Variants in UBE2E3 observed in about 807,000 individuals in gnomAD.
The protein encoded by UBE2E3 is ubiquitin conjugating enzyme E2 E3, also known as ubiquitin-conjugating enzyme E2 E3.
Under a neutral mutation model 23.6 loss-of-function variants are expected in UBE2E3, and 5 were observed. The ratio of observed to expected loss-of-function variants is 0.21; its 90% CI spans 0.11 to 0.44. The LOEUF (loss-of-function observed/expected upper bound fraction) is 0.44. UBE2E3 is among the 20% of genes least tolerant of loss of function. UBE2E3 has a pLI of 0.99. For synonymous variants in UBE2E3, 78 were observed against 87.5 expected (o/e 0.89, Z 0.60); for missense variants, 81 against 249.8 (o/e 0.32, Z 4.55).
In UBE2E3 at chr2:181,057,685, T is replaced by G; in HGVS notation, c.246-8T>G. 6.2e-7 allele frequency: 1 copy of G among 1,602,340 alleles called. No individual in the cohort carries two copies. Among genetic ancestry groups the G allele is most frequent in the Non-Finnish European group, 8.5e-7 (1 of 1,173,248 alleles). On this transcript the variant is annotated splice_polypyrimidine_tract_variant and splice_region_variant and intron_variant, in intron 3 of 5. Coordinates refer to ENST00000410062, the MANE Select transcript of UBE2E3 (RefSeq NM_006357.4). ...TGTACATACTGATTTTTAATTTCTT[T>G]TAAATAGTGCTGGGCCTAAAGGAGA...
At chr2:181,038,066 G>A (rs1430264586) in intron 3 of UBE2E3, among the ~76,000 whole-genome samples, 1 of 152,098 alleles carries the variant, frequency 6.6e-6, no homozygotes, top group Non-Finnish European at 1.5e-5. Context: ...TGTTTATAAA[G>A]CCTGCAGTAG....
At chr2:180,987,316 T>C in intron 3 of UBE2E3, 1 of 1,549,004 alleles carries the variant, frequency 6.5e-7, no homozygotes, top group Non-Finnish European at 8.7e-7. Flanking sequence ...ATTAAGACAT[T>C]TACTTTCCAT....
chr2:181,050,633 GGATTTATT>G (rs1333890593), intron 3 of UBE2E3, among the ~76,000 whole-genome samples: 1 of 151,708 alleles, frequency 6.6e-6, no homozygotes, highest in Admixed American at 6.6e-5. Context: ...ATATTTGTAT[GGATTTATT>G]GCTTTCAAAT....
At position 180,982,117 on chromosome 2, in the gene UBE2E3, A is replaced by T. The variant is rs146744789; in HGVS notation, c.75A>T (p.Arg25=). 24,594 of 1,613,340 alleles carry T rather than the reference A, an allele frequency of 0.015. 295 individuals carry two copies. The highest frequency in any genetic ancestry group is 0.043 in the Middle Eastern group (260 of 6,050). Residue 25 remains arginine, a synonymous_variant, in exon 2 of 6, where the codon CGA becomes CGT. Coordinates refer to ENST00000410062, the MANE Select transcript of UBE2E3 (RefSeq NM_006357.4). ...GTGGCAGTTCAGATGCGGACCAGCG[A>T]GACCCAGCCGCTCCAGAGCCTGAAG... ...TSSGSSDADQ[R]DPAAPEPEEQ... is the part of the protein sequence containing the mutation.
At chr2:181,046,293 A>C (rs1686671853) in intron 3 of UBE2E3, among the ~76,000 whole-genome samples, 1 of 152,194 alleles carries the variant, frequency 6.6e-6, no homozygotes. Context: ...GTAGGCATTA[A>C]GGTTCTGAAC....
At chr2:180,988,742 A>G (rs1294829585) in intron 3 of UBE2E3, among the ~76,000 whole-genome samples, 1 of 152,132 alleles carries the variant, frequency 6.6e-6, no homozygotes, top group Non-Finnish European at 1.5e-5. Flanking sequence ...TGATCCCTAT[A>G]TTAGCTTTGT....
intron 5 of UBE2E3, among the ~76,000 whole-genome samples, chr2:181,061,526 A>T (rs1047701817): frequency 4.0e-5 from 6 of 151,660 alleles, no homozygotes; most frequent in African/African-American, 1.5e-4. Context: ...TTAATAATAG[A>T]AGGCTTCTTG....
chr2:181,021,578 C>CCCTT (rs1553537369), intron 3 of UBE2E3, among the ~76,000 whole-genome samples: 3 of 56,624 alleles, frequency 5.3e-5, no homozygotes, highest in African/African-American at 2.3e-4. Flanking sequence ...CTTCCTCCCT[C>CCCTT]CCTCCCTTCC....
chr2:181,046,885 T>C (rs918499789), intron 3 of UBE2E3, among the ~76,000 whole-genome samples: 23 of 152,140 alleles, frequency 1.5e-4, no homozygotes, highest in African/African-American at 2.2e-4. Flanking sequence ...TTTTGACTTA[T>C]TGGGCCCCTG....
intron 3 of UBE2E3, among the ~76,000 whole-genome samples, chr2:181,009,016 C>T (rs889891833): frequency 5.0e-5 from 7 of 141,210 alleles, no homozygotes; most frequent in Admixed American, 2.8e-4. Context: ...AATATTATAG[C>T]AGTGCTAAGG....
chr2:181,027,952 C>G (rs1411134523), intron 3 of UBE2E3, among the ~76,000 whole-genome samples: 4 of 151,942 alleles, frequency 2.6e-5, no homozygotes. Context: ...ATTTCTCACC[C>G]AGCTTAAAAA....
intron 3 of UBE2E3, among the ~76,000 whole-genome samples, chr2:181,006,879 A>G (rs1685165453): frequency 6.6e-6 from 1 of 152,186 alleles, no homozygotes. Context: ...ATACTACTAA[A>G]ATTACTTAAA....
intron 3 of UBE2E3, among the ~76,000 whole-genome samples, chr2:181,056,652 T>G (rs1052408431): frequency 5.3e-5 from 8 of 151,736 alleles, no homozygotes; most frequent in African/African-American, 1.9e-4. Context: ...ATTGCCGCGT[T>G]TGGGGGTCAG....
intron 3 of UBE2E3, among the ~76,000 whole-genome samples, chr2:181,012,653 G>GTA: frequency 6.6e-6 from 1 of 152,236 alleles, no homozygotes; most frequent in African/African-American, 2.4e-5. Context: ...AATGAGTGCA[G>GTA]TATATTCTGT....
intron 3 of UBE2E3, among the ~76,000 whole-genome samples, chr2:181,028,498 C>G (rs1685969101): frequency 6.6e-6 from 1 of 152,116 alleles, no homozygotes; most frequent in Non-Finnish European, 1.5e-5. Context: ...TGGTGATACA[C>G]TGATACACAT....
At chr2:181,062,512 T>C (rs565715524) in intron 5 of UBE2E3, among the ~76,000 whole-genome samples, 17 of 151,730 alleles carry the variant, frequency 1.1e-4, no homozygotes, top group African/African-American at 3.9e-4. Context: ...AATTACAAAA[T>C]AGTTTTTGTA....
At chr2:180,985,290 G>T (rs1162685649) in intron 3 of UBE2E3, among the ~76,000 whole-genome samples, 1 of 152,092 alleles carries the variant, frequency 6.6e-6, no homozygotes, top group Non-Finnish European at 1.5e-5. Context: ...CGGTAATGTA[G>T]CCACTTGCCA....
In UBE2E3 at chr2:181,019,899, A is replaced by G. The variant is rs926706396; in HGVS notation, c.245+35806A>G. On this transcript the variant is annotated intron_variant, in intron 3 of 5. Coordinates refer to ENST00000410062, the MANE Select transcript of UBE2E3 (RefSeq NM_006357.4). ...TCAGCAAATATCAAGTGTATGATAC[A>G]ATATTGTTAACTGTAGACACGTTGC... is the stretch of plus-strand genomic sequence containing the variant. 5.9e-5 allele frequency among the ~76,000 whole-genome samples: 9 copies of G among 152,256 alleles called. No homozygotes were observed. In the Middle Eastern group the frequency reaches 0.01, roughly 173 times the overall value.
chr2:180,987,211 T>C, intron 3 of UBE2E3: 1 of 1,010,104 alleles, frequency 9.9e-7, no homozygotes, highest in Non-Finnish European at 1.4e-6. Flanking sequence ...ATAAATAATT[T>C]ATACATCAAT....
Sources: allele counts gnomAD v4.1 joint callset (sites outside exome capture counted in the v4.1 genomes callset), GRCh38; gene constraint gnomAD v4.1.1; transcripts MANE v1.5; gene names NCBI Gene and HGNC (gene_info 2026-07-23, HGNC 2026-07-21).